APELA: variants seen among roughly 807,000 people sequenced by gnomAD.
APELA encodes the protein protein Elabela.
rs1423034638 is a variant in APELA at position 164,890,592 on chromosome 4, T to G, written c.*2-4824T>G. On this transcript the variant is annotated intron_variant, in intron 2 of 2. Transcript: ENST00000507152. ...TCAGTACTCCACTCTAATTTACGAC[T>G]GAATACAATTCCATGATATGGAAAA... Among the ~76,000 whole-genome samples the G allele has an allele frequency of 3.3e-5, 5 of 152,070 alleles. No individual in the cohort carries two copies. In the East Asian group the frequency reaches 9.6e-4, roughly 29 times the overall value.
intron 1 of APELA, among the ~76,000 whole-genome samples, chr4:164,877,691 C>A (rs1306460627): frequency 6.6e-6 from 1 of 152,016 alleles, no homozygotes; most frequent in Non-Finnish European, 1.5e-5. Flanking sequence ...GTTGTCTTTA[C>A]AAGTAAAATG....
At chr4:164,894,483 C>T (rs1464210355) in intron 2 of APELA, among the ~76,000 whole-genome samples, 1 of 151,512 alleles carries the variant, frequency 6.6e-6, no homozygotes, top group African/African-American at 2.4e-5. Context: ...GTGGCTTGAT[C>T]TGGGGTCACT....
chr4:164,884,104 T>TGAAA (rs71602544), intron 2 of APELA, among the ~76,000 whole-genome samples: 3 of 18,156 alleles, frequency 1.7e-4, no homozygotes, highest in Admixed American at 6.6e-4. Flanking sequence ...AAAGAAAGAA[T>TGAAA]GAAAGAAAGA....
intron 2 of APELA, among the ~76,000 whole-genome samples, chr4:164,881,695 C>T (rs1315220711): frequency 4.6e-5 from 7 of 151,962 alleles, no homozygotes; most frequent in Non-Finnish European, 1.0e-4. Context: ...ATGACTTCTC[C>T]CTTCCAACAG....
chr4:164,893,840 G>C (rs1730923414), intron 2 of APELA, among the ~76,000 whole-genome samples: 1 of 151,768 alleles, frequency 6.6e-6, no homozygotes, highest in Non-Finnish European at 1.5e-5. Flanking sequence ...TTATATGGTT[G>C]AACTTACGCA....
intron 2 of APELA, chr4:164,879,381 T>C (rs1377278565): frequency 6.2e-6 from 1 of 162,094 alleles, no homozygotes; most frequent in Non-Finnish European, 1.3e-5. Flanking sequence ...ATACCAGCAA[T>C]GAACTACCAT....
downstream of APELA, among the ~76,000 whole-genome samples, chr4:164,897,900 T>C (rs138006676): frequency 3.3e-5 from 5 of 152,298 alleles, no homozygotes; most frequent in East Asian, 9.7e-4. Context: ...CTTTTAATTA[T>C]CTTTCTTGGA....
chr4:164,891,300 G>A (rs764228562), intron 2 of APELA, among the ~76,000 whole-genome samples: 5 of 151,920 alleles, frequency 3.3e-5, no homozygotes, highest in East Asian at 1.9e-4. Context: ...AAAAATAATC[G>A]AAGGTCACAA....
At chr4:164,880,723 G>A (rs113947336) in intron 2 of APELA, among the ~76,000 whole-genome samples, 135 of 152,284 alleles carry the variant, frequency 8.9e-4, no homozygotes, top group African/African-American at 3.1e-3. Context: ...TCTTTAGATA[G>A]CCACATATTA....
At position 164,896,495 on chromosome 4, in the gene APELA, A is replaced by G. The variant is rs1730979104; in HGVS notation, c.*1081A>G. On this transcript the variant is annotated 3_prime_UTR_variant, in exon 3 of 3. Coordinates refer to ENST00000507152, the MANE Select transcript of APELA (RefSeq NM_001297550.2). ...CAGTTATGCCAATGAAGTCCCACTCAGGGTGATATCTGTATCTAAAAGATG... is the reference window on the plus strand; with the variant it reads ...CAGTTATGCCAATGAAGTCCCACTCGGGGTGATATCTGTATCTAAAAGATG... 1 of 152,054 alleles carries G rather than the reference A, an allele frequency of 6.6e-6. No individual in the cohort carries two copies. Among genetic ancestry groups the G allele is most frequent in the South Asian group, 2.1e-4 (1 of 4,826 alleles). 9.4% of individuals were successfully genotyped at this position (152,054 alleles called of 1,614,324 possible).
At chr4:164,898,176 C>T (rs1686791872), downstream of APELA, among the ~76,000 whole-genome samples, 1 of 151,086 alleles carries the variant, frequency 6.6e-6, no homozygotes, top group Admixed American at 6.6e-5. Flanking sequence ...CAGGCGTGAG[C>T]CACTGCACCC....
intron 2 of APELA, among the ~76,000 whole-genome samples, chr4:164,879,880 A>G (rs908374705): frequency 4.6e-5 from 7 of 152,368 alleles, no homozygotes; most frequent in African/African-American, 1.7e-4. Flanking sequence ...CTTGATAGTC[A>G]CATCTTAAGG....
chr4:164,879,247 T>G (rs1730611891), intron 2 of APELA: 2 of 340,002 alleles, frequency 5.9e-6, no homozygotes, highest in African/African-American at 4.2e-5. Context: ...TCTTGATAAC[T>G]GTTGAATCTG....
At chr4:164,893,286 T>C (rs1730914946) in intron 2 of APELA, among the ~76,000 whole-genome samples, 1 of 152,172 alleles carries the variant, frequency 6.6e-6, no homozygotes, top group Non-Finnish European at 1.5e-5. Context: ...TCCCTAAATA[T>C]TCATTGTCAG....
At chr4:164,893,335 C>T (rs1399320126) in intron 2 of APELA, among the ~76,000 whole-genome samples, 2 of 152,118 alleles carry the variant, frequency 1.3e-5, no homozygotes, top group African/African-American at 4.8e-5. Context: ...TCTGAGTCTT[C>T]TTTGAGTTAC....
At chr4:164,891,441 G>A (rs1266965353) in intron 2 of APELA, among the ~76,000 whole-genome samples, 1 of 152,104 alleles carries the variant, frequency 6.6e-6, no homozygotes, top group Non-Finnish European at 1.5e-5. Context: ...TACATGAAAT[G>A]GAATGTATTT....
chr4:164,890,623 A>C (rs1471354264), intron 2 of APELA, among the ~76,000 whole-genome samples: 1 of 152,176 alleles, frequency 6.6e-6, no homozygotes, highest in Non-Finnish European at 1.5e-5. Context: ...GAAAAATCAC[A>C]TTTTGTTTGT....
At chr4:164,883,254 T>C (rs1249470452) in intron 2 of APELA, among the ~76,000 whole-genome samples, 1 of 152,174 alleles carries the variant, frequency 6.6e-6, no homozygotes, top group East Asian at 1.9e-4. Context: ...TTAGCTGGGC[T>C]CTCTGGGAAG....
intron 2 of APELA, among the ~76,000 whole-genome samples, chr4:164,882,906 TACAA>T (rs1730689132): frequency 6.6e-6 from 1 of 152,182 alleles, no homozygotes; most frequent in Non-Finnish European, 1.5e-5. Flanking sequence ...TCCATGTCCC[TACAA>T]AGGACATGAA....
Sources: gnomAD v4.1 joint callset for allele counts (sites outside exome capture counted in the v4.1 genomes callset) on GRCh38, gnomAD v4.1.1 for gene constraint, MANE v1.5 for transcripts, NCBI Gene and HGNC (gene_info 2026-07-23, HGNC 2026-07-21) for gene names.